NUB1: variants seen among roughly 807,000 people sequenced by gnomAD.
The protein encoded by NUB1 is negative regulator of ubiquitin like proteins 1.
NUB1 carries 41 observed loss-of-function variants against 77.1 expected under a neutral mutation model. The ratio of observed to expected loss-of-function variants is 0.53; its 90% CI spans 0.41 to 0.69. The LOEUF (loss-of-function observed/expected upper bound fraction) is 0.69. Ranked by LOEUF, NUB1 falls within the 30% of genes least tolerant of loss-of-function variation. The pLI is 0.00. For missense variants in NUB1, 643 were observed against 743.8 expected (o/e 0.86, Z 1.58); for synonymous variants, 257 against 281.0 (o/e 0.91, Z 0.85).
chr7:151,342,544 A>G (rs575014745), intron 1 of NUB1, among the ~76,000 whole-genome samples: 3 of 152,322 alleles, frequency 2.0e-5, no homozygotes, highest in African/African-American at 7.2e-5. Context: ...CTTAGTTACA[A>G]TGTGAAACAT....
chr7:151,373,209 G>C (rs1798040742), intron 11 of NUB1, among the ~76,000 whole-genome samples: 1 of 152,124 alleles, frequency 6.6e-6, no homozygotes, highest in South Asian at 2.1e-4. Flanking sequence ...GGTCTCCCTG[G>C]GAGAATGTAG....
Position 151,352,321 on chromosome 7 carries a change from A to G in NUB1, c.345-491A>G, listed in dbSNP as rs115698276. 3.3e-3 allele frequency: 1,107 copies of G among 339,050 alleles called. 12 individuals carry two copies. Among genetic ancestry groups the G allele is most frequent in the African/African-American group, 0.023 (1,060 of 46,884 alleles). The allele number at this position is 339,050 out of a possible 1,614,324, so 21.0% of individuals were successfully genotyped here. A position where few individuals can be genotyped will look rare whatever the true frequency, so the allele number is the denominator to read the frequency against. ...AAGTTTAAAAAGGACCTTGTCTCCT[A>G]CAGTTTCAAATAGCCGTCTAGTAAG... On this transcript the variant is annotated intron_variant, in intron 4 of 14. Coordinates refer to ENST00000568733, the MANE Select transcript of NUB1 (RefSeq NM_001243351.2).
Position 151,341,997 on chromosome 7 carries a change from C to A in NUB1, c.-3+151C>A, listed in dbSNP as rs890086650. 3.2e-6 allele frequency: 4 copies of A among 1,258,258 alleles called. No homozygotes were observed. In the South Asian group the frequency reaches 1.0e-4, roughly 32 times the overall value. The allele number at this position is 1,258,258 out of a possible 1,614,324, so 77.9% of individuals were successfully genotyped here. A position where few individuals can be genotyped will look rare whatever the true frequency, so the allele number is the denominator to read the frequency against. On this transcript the variant is annotated intron_variant, in intron 1 of 14. Transcript: ENST00000568733. Reference sequence around the variant, plus strand: ...AGCCATGCGTGGAGCTGGGCCGGGGCCGGGGCCGGGGCCGGGAGCGGTGGG... The same window carrying A: ...AGCCATGCGTGGAGCTGGGCCGGGGACGGGGCCGGGGCCGGGAGCGGTGGG...
At chr7:151,341,974 C>T in intron 1 of NUB1, 128 bp downstream of exon 1, 1 of 1,313,408 alleles carries the variant, frequency 7.6e-7, no homozygotes. Context: ...GGGTGAGCAG[C>T]CATGCGTGGA....
chr7:151,360,305 A>C (rs1227339641), intron 8 of NUB1, 58 bp downstream of exon 8: 4 of 877,398 alleles, frequency 4.6e-6, no homozygotes, highest in Non-Finnish European at 7.5e-6. Context: ...CAGACTATAC[A>C]GAACACCCTG....
At position 151,378,207 on chromosome 7, in the gene NUB1, T is replaced by C. The variant is rs577645314; in HGVS notation, c.*982T>C. 1 of 152,318 alleles carries C rather than the reference T, an allele frequency of 6.6e-6. No homozygotes were observed. The highest frequency in any genetic ancestry group is 2.4e-5 in the African/African-American group (1 of 41,538). The allele number at this position is 152,318 out of a possible 1,614,324, so 9.4% of individuals were successfully genotyped here. A position where few individuals can be genotyped will look rare whatever the true frequency, so the allele number is the denominator to read the frequency against. On this transcript the variant is annotated 3_prime_UTR_variant, in exon 15 of 15. Transcript: ENST00000568733. ...AGATGTGTGCCCAGTGGGAGTTCCT[T>C]CCAGCCCCAGGACCACAGCAGCAGC...
intron 7 of NUB1, among the ~76,000 whole-genome samples, chr7:151,356,856 T>C (rs1216221095): frequency 6.6e-6 from 1 of 152,192 alleles, no homozygotes; most frequent in Non-Finnish European, 1.5e-5. Flanking sequence ...TAGCTGGGAT[T>C]ACAGGCATGT....
chr7:151,357,208 T>G (rs1797115577), intron 7 of NUB1, among the ~76,000 whole-genome samples: 1 of 145,516 alleles, frequency 6.9e-6, no homozygotes, highest in Non-Finnish European at 1.5e-5. Flanking sequence ...TTTTTTGAGA[T>G]GGAGTCTCGC....
chr7:151,366,912 G>A lies in NUB1; in HGVS notation c.801-27G>A, dbSNP rs181611355. The A allele has an allele frequency of 4.7e-5, 73 of 1,545,364 alleles. 1 individual carries two copies. Among genetic ancestry groups the A allele is most frequent in the Admixed American group, 2.1e-4 (10 of 47,000 alleles). On this transcript the variant is annotated intron_variant, in intron 8 of 14. Transcript: ENST00000568733. ...AAAATGTTTCAAATGCTGCTTGGCA[G>A]TGATGTCACTGTCCTTCTCTTTCCA...
At chr7:151,349,048 T>G in intron 2 of NUB1, 25 bp from the exon 3 acceptor site, 2 of 1,593,996 alleles carry the variant, frequency 1.3e-6, no homozygotes. Flanking sequence ...AAGTCAGTAT[T>G]GCATTTTCTG....
Position 151,355,810 on chromosome 7 carries a change from C to T in NUB1, c.458C>T (p.Ala153Val), listed in dbSNP as rs952178410. 8 of 1,607,676 alleles carry T rather than the reference C, an allele frequency of 5.0e-6. No homozygotes were observed. Among genetic ancestry groups the T allele is most frequent in the Non-Finnish European group, 6.8e-6 (8 of 1,176,806 alleles). The change falls in exon 6 of 15, where the codon GCG (alanine) becomes GTG (valine). Residue 153 changes from alanine to valine, a missense_variant. Coordinates refer to ENST00000568733, the MANE Select transcript of NUB1 (RefSeq NM_001243351.2). ...EEQGVAHNVK[A>V]MVLELKQSEE... The stretch of plus-strand genomic sequence containing the variant: ...CAAGGCGTGGCTCACAATGTGAAAG[C>T]GATGGTGCTTGAACTAAAACAATCT...
intron 2 of NUB1, among the ~76,000 whole-genome samples, chr7:151,347,548 C>T (rs1200263205): frequency 1.3e-5 from 2 of 152,184 alleles, no homozygotes; most frequent in Non-Finnish European, 2.9e-5. Context: ...GCCTCACACT[C>T]CTGGGCTCAA....
chr7:151,373,573 G>T (rs972809736), intron 11 of NUB1, among the ~76,000 whole-genome samples: 9 of 152,236 alleles, frequency 5.9e-5, no homozygotes, highest in African/African-American at 2.2e-4. Context: ...GAAGGCCCTG[G>T]AGTCCTTGCT....
At chr7:151,346,323 A>T (rs905839923) in intron 2 of NUB1, among the ~76,000 whole-genome samples, 5 of 152,258 alleles carry the variant, frequency 3.3e-5, no homozygotes, top group Non-Finnish European at 7.3e-5. Context: ...TAGGTGTGGC[A>T]TAAAGGAAAA....
chr7:151,356,578 G>T (rs1797071723), intron 7 of NUB1, among the ~76,000 whole-genome samples: 1 of 152,190 alleles, frequency 6.6e-6, no homozygotes, highest in Non-Finnish European at 1.5e-5. Context: ...TCAGAATAGG[G>T]GTAGGGAAAC....
intron 7 of NUB1, among the ~76,000 whole-genome samples, chr7:151,359,909 G>A (rs1021309412): frequency 2.6e-5 from 4 of 152,180 alleles, no homozygotes; most frequent in African/African-American, 9.7e-5. Context: ...AAAGCAAAGG[G>A]CCAAGTGCTG....
Position 151,376,373 on chromosome 7 carries a change from G to C in NUB1, c.1492-261G>C, listed in dbSNP as rs1584979058. On this transcript the variant is annotated intron_variant, in intron 13 of 14. Coordinates refer to ENST00000568733, the MANE Select transcript of NUB1 (RefSeq NM_001243351.2). ...CCTCGCGGTGCTCGTGGTGAGGCTG[G>C]TGTGGCGCCCTGCTCTCAGCCCGAG... is the stretch of plus-strand genomic sequence containing the variant. The C allele has an allele frequency of 1.7e-5, 9 of 515,240 alleles. No homozygotes were observed. The East Asian group carries it at 2.2e-4, about 13-fold the overall frequency. 31.9% of individuals were successfully genotyped at this position (515,240 alleles called of 1,614,324 possible).
chr7:151,350,107 T>C (rs992868895), intron 3 of NUB1, among the ~76,000 whole-genome samples: 1 of 152,262 alleles, frequency 6.6e-6, no homozygotes, highest in Non-Finnish European at 1.5e-5. Context: ...ATTTCTTCTA[T>C]GCTCTTCTCA....
chr7:151,375,877 G>A lies in NUB1; in HGVS notation c.1425G>A (p.Trp475Ter). ...KILLSNPQMW[W>*]LNDSNPETDN... is the part of the protein sequence containing the mutation. ...TGCTCAGCAATCCTCAGATGTGGTG[G>A]TTAAATGATTCCAATCCTGAAACCG... Residue 475 changes from tryptophan to a stop codon, truncating the protein, a stop_gained, in exon 13 of 15, where the codon TGG (tryptophan) becomes TGA (stop). Coordinates refer to ENST00000568733, the MANE Select transcript of NUB1 (RefSeq NM_001243351.2). LOFTEE classifies it high-confidence loss of function. 6.2e-7 allele frequency: 1 copy of A among 1,612,994 alleles called. No individual in the cohort carries two copies. The highest frequency in any genetic ancestry group is 8.5e-7 in the Non-Finnish European group (1 of 1,178,952).
Sources: allele counts gnomAD v4.1 joint callset (sites outside exome capture counted in the v4.1 genomes callset), GRCh38; gene constraint gnomAD v4.1.1; transcripts MANE v1.5; gene names NCBI Gene and HGNC (gene_info 2026-07-23, HGNC 2026-07-21).